The following DTNA variants were observed in gnomAD, a reference collection of about 807,000 sequenced individuals.
DTNA encodes the protein dystrobrevin alpha.
Under a neutral mutation model 100.7 loss-of-function variants are expected in DTNA, and 43 were observed. That is an observed-to-expected ratio of 0.43 (90% confidence interval 0.33 to 0.55). The LOEUF is 0.55. Ranked by LOEUF, DTNA falls within the 20% of genes least tolerant of loss-of-function variation. The probability of loss-of-function intolerance (pLI) is 0.04; values close to 1 mark genes in which losing one functional copy is unlikely to be tolerated. For synonymous variants in DTNA, 349 were observed against 347.9 expected (o/e 1.00, Z -0.04); for missense variants, 798 against 953.9 (o/e 0.84, Z 2.15).
intron 1 of DTNA, among the ~76,000 whole-genome samples, chr18:34,609,773 C>T (rs1318700979): frequency 6.6e-6 from 1 of 152,130 alleles, no homozygotes; most frequent in Non-Finnish European, 1.5e-5. Flanking sequence ...TACTGTTTCT[C>T]ATCATCAAGC....
intron 1 of DTNA, among the ~76,000 whole-genome samples, chr18:34,639,677 T>C (rs2059052837): frequency 1.3e-5 from 2 of 152,202 alleles, no homozygotes; most frequent in African/African-American, 4.8e-5. Context: ...GTTCAAGCTA[T>C]AAACACAGCT....
At chr18:34,504,586 C>T (rs568078413) in intron 1 of DTNA, among the ~76,000 whole-genome samples, 3 of 151,974 alleles carry the variant, frequency 2.0e-5, no homozygotes, top group Admixed American at 2.0e-4. Flanking sequence ...TTCTTTCTTC[C>T]TGAAGGATTT....
At chr18:34,884,171 G>A (rs577567766) in intron 21 of DTNA, among the ~76,000 whole-genome samples, 17 of 152,146 alleles carry the variant, frequency 1.1e-4, no homozygotes, top group African/African-American at 3.6e-4. Context: ...TATTAGAAGC[G>A]TCTATTAGGC....
At chr18:34,506,697 A>G (rs191315153) in intron 1 of DTNA, among the ~76,000 whole-genome samples, 12 of 152,266 alleles carry the variant, frequency 7.9e-5, no homozygotes, top group Admixed American at 3.9e-4. Context: ...TTTAGCCCCA[A>G]GAATTGGATA....
In DTNA at chr18:34,864,616, C is replaced by T. The variant is rs190063234; in HGVS notation, c.1743+554C>T. ...GAGGGCCTTCATGGGGCAACTTCTT[C>T]TTGGCTTATTTCCAGTTTCTTTATG... On this transcript the variant is annotated intron_variant, in intron 17 of 22. Transcript: ENST00000444659. Among the ~76,000 whole-genome samples the T allele has an allele frequency of 1.4e-3, 207 of 152,314 alleles. 2 individuals carry two copies. The highest frequency in any genetic ancestry group is 4.4e-3 in the South Asian group (21 of 4,824).
intron 1 of DTNA, among the ~76,000 whole-genome samples, chr18:34,719,066 G>T (rs28744682): frequency 6.6e-6 from 1 of 151,992 alleles, no homozygotes; most frequent in Non-Finnish European, 1.5e-5. Context: ...AGTGGCTCAC[G>T]TCTGTAATCC....
chr18:34,502,758 G>T (rs2040063806), intron 1 of DTNA, among the ~76,000 whole-genome samples: 1 of 152,082 alleles, frequency 6.6e-6, no homozygotes, highest in African/African-American at 2.4e-5. Context: ...ATTTGTTGAG[G>T]TTTATTTTAT....
intron 1 of DTNA, among the ~76,000 whole-genome samples, chr18:34,538,852 C>T (rs185572103): frequency 3.3e-5 from 5 of 151,738 alleles, no homozygotes; most frequent in African/African-American, 4.8e-5. Context: ...AATGATCTTC[C>T]TAAGAACAAA....
intron 3 of DTNA, among the ~76,000 whole-genome samples, chr18:34,785,370 T>C (rs1397273765): frequency 1.3e-5 from 2 of 152,142 alleles, no homozygotes; most frequent in Non-Finnish European, 2.9e-5. Flanking sequence ...CCAGACAGAG[T>C]GAGGCAAAGA....
chr18:34,764,230 A>G (rs1009082740), intron 2 of DTNA, among the ~76,000 whole-genome samples: 1 of 3,960 alleles, frequency 2.5e-4, no homozygotes, highest in Non-Finnish European at 0.01. Context: ...TCAAGACTTT[A>G]TATCTGTATT....
intron 1 of DTNA, among the ~76,000 whole-genome samples, chr18:34,590,919 T>C (rs569256403): frequency 1.3e-5 from 2 of 152,326 alleles, no homozygotes; most frequent in South Asian, 4.1e-4. Context: ...CTAATGTTCC[T>C]ATTCCCGTTG....
intron 1 of DTNA, among the ~76,000 whole-genome samples, chr18:34,532,768 A>ATG (rs147592280): frequency 0.29 from 17,514 of 61,176 alleles, 1,381 homozygotes; most frequent in African/African-American, 0.36. Context: ...ATATATATAT[A>ATG]TATGTGTGTG....
At chr18:34,507,235 G>A (rs545396391) in intron 1 of DTNA, among the ~76,000 whole-genome samples, 5 of 152,194 alleles carry the variant, frequency 3.3e-5, no homozygotes, top group African/African-American at 1.2e-4. Context: ...TGGGATGCTG[G>A]AACCACACCA....
At chr18:34,883,083 C>T (rs1205901447) in intron 21 of DTNA, among the ~76,000 whole-genome samples, 12 of 152,160 alleles carry the variant, frequency 7.9e-5, no homozygotes, top group African/African-American at 2.2e-4. Context: ...ATGTAACCAG[C>T]GACTCATCCT....
At chr18:34,690,363 C>T (rs908711656) in intron 1 of DTNA, among the ~76,000 whole-genome samples, 8 of 152,186 alleles carry the variant, frequency 5.3e-5, no homozygotes, top group Non-Finnish European at 1.2e-4. Context: ...GCAAGTTCCT[C>T]ATGGCTTCCC....
chr18:34,861,948 C>T (rs934140630), intron 16 of DTNA, among the ~76,000 whole-genome samples: 1 of 152,074 alleles, frequency 6.6e-6, no homozygotes, highest in Non-Finnish European at 1.5e-5. Context: ...CTTAGTGTTT[C>T]TCACCTACAG....
At chr18:34,628,882 A>C (rs958596800) in intron 1 of DTNA, among the ~76,000 whole-genome samples, 4 of 152,206 alleles carry the variant, frequency 2.6e-5, no homozygotes, top group Admixed American at 6.5e-5. Context: ...TATTCACAGT[A>C]CAATGTTTCT....
chr18:34,742,674 T>TATCTATCTATC, intron 1 of DTNA, among the ~76,000 whole-genome samples: 1 of 12,868 alleles, frequency 7.8e-5, no homozygotes, highest in Non-Finnish European at 1.6e-4. Context: ...ATCTATCTAT[T>TATCTATCTATC]CCCATTATCC....
intron 1 of DTNA, among the ~76,000 whole-genome samples, chr18:34,628,903 A>C (rs1320511046): frequency 6.6e-6 from 1 of 152,170 alleles, no homozygotes; most frequent in Admixed American, 6.5e-5. Context: ...TAACTGAAAT[A>C]ATGTTAATAA....
Sources: allele counts gnomAD v4.1 joint callset (sites outside exome capture counted in the v4.1 genomes callset), GRCh38; gene constraint gnomAD v4.1.1; transcripts MANE v1.5; gene names NCBI Gene and HGNC (gene_info 2026-07-23, HGNC 2026-07-21).